IMMP2L: variants seen among roughly 807,000 people sequenced by gnomAD.
IMMP2L encodes mitochondrial inner membrane protease subunit 2.
In IMMP2L, 18 loss-of-function variants were observed where a neutral mutation model predicts 19.3. That is an observed-to-expected ratio of 0.93 (90% CI 0.64 to 1.38). The LOEUF is 1.38. Among genes scored for constraint, IMMP2L ranks in the 40% most tolerant of loss-of-function variants. The pLI is 0.00. For synonymous variants in IMMP2L, 76 were observed against 73.0 expected (o/e 1.04, Z -0.21); for missense variants, 233 against 218.2 (o/e 1.07, Z -0.43).
At chr7:111,089,641 A>T (rs1752694940) in intron 3 of IMMP2L, among the ~76,000 whole-genome samples, 1 of 152,104 alleles carries the variant, frequency 6.6e-6, no homozygotes, top group Non-Finnish European at 1.5e-5. Context: ...TACAGAACTG[A>T]CTCAGTGCTT....
At chr7:110,920,655 A>C (rs1814167940) in intron 4 of IMMP2L, among the ~76,000 whole-genome samples, 2 of 152,172 alleles carry the variant, frequency 1.3e-5, no homozygotes, top group South Asian at 4.1e-4. Flanking sequence ...TGCTTTACCA[A>C]GCTTCTATGT....
chr7:110,664,808 T>C (rs909871695), intron 5 of IMMP2L: 8 of 152,254 alleles, frequency 5.3e-5, no homozygotes, highest in African/African-American at 1.9e-4. Flanking sequence ...TAATACTATA[T>C]GTCCACTTTA....
chr7:110,803,834 T>C lies in IMMP2L; in HGVS notation c.408+82759A>G, dbSNP rs769922617. Among the ~76,000 whole-genome samples, 50 of 152,108 alleles carry C rather than the reference T, an allele frequency of 3.3e-4. No homozygotes were observed. Among genetic ancestry groups the C allele is most frequent in the Middle Eastern group, 3.4e-3 (1 of 294 alleles). On this transcript the variant is annotated intron_variant, in intron 5 of 5. Coordinates refer to ENST00000405709, the MANE Select transcript of IMMP2L (RefSeq NM_032549.4). This position sits in a 1 kb window ranked among gnomAD's most constrained non-coding sequence, Gnocchi z 4.2. ...CCTGGAACCATCAGTATCTCAACAC[T>C]TGGGGACTTGTTAGACATGCAAATT...
intron 4 of IMMP2L, among the ~76,000 whole-genome samples, chr7:110,958,708 A>G (rs1226110967): frequency 6.6e-6 from 1 of 152,044 alleles, no homozygotes; most frequent in East Asian, 1.9e-4. Flanking sequence ...CCCCAAAGGT[A>G]GTAGATCAGC....
At chr7:111,380,813 T>C (rs746972398) in intron 3 of IMMP2L, among the ~76,000 whole-genome samples, 6 of 152,034 alleles carry the variant, frequency 3.9e-5, no homozygotes, top group Non-Finnish European at 8.8e-5. Flanking sequence ...CATCAGACAT[T>C]GTAAAAAGAA....
intron 3 of IMMP2L, among the ~76,000 whole-genome samples, chr7:111,328,689 G>A (rs1335533240): frequency 6.6e-6 from 1 of 151,776 alleles, no homozygotes; most frequent in Non-Finnish European, 1.5e-5. Context: ...ATGCTGAAGG[G>A]CAAGAGAGAG....
chr7:111,362,243 T>C (rs1257128316), intron 3 of IMMP2L, among the ~76,000 whole-genome samples: 3 of 152,088 alleles, frequency 2.0e-5, no homozygotes, highest in Non-Finnish European at 4.4e-5. Flanking sequence ...TAATCGTTTT[T>C]ATTTCTAAAA....
At chr7:111,175,822 T>G (rs1362558332) in intron 3 of IMMP2L, among the ~76,000 whole-genome samples, 1 of 151,636 alleles carries the variant, frequency 6.6e-6, no homozygotes, top group Non-Finnish European at 1.5e-5. Flanking sequence ...AAGAAAACAA[T>G]CAACAAAGTG....
intron 3 of IMMP2L, among the ~76,000 whole-genome samples, chr7:111,376,358 A>T (rs1340904260): frequency 6.6e-6 from 1 of 152,144 alleles, no homozygotes; most frequent in Non-Finnish European, 1.5e-5. Flanking sequence ...ACGAGATACT[A>T]CCTCACATCT....
In IMMP2L at chr7:110,663,151, T is replaced by TTATGTGTA. The variant is rs1791197014; in HGVS notation, c.*443_*450dup. ...ACAAATCACAATGTAATTCCCATCA[T>TTATGTGTA]TATGTGTATAATATGTGTTCCTTCT... On this transcript the variant is annotated 3_prime_UTR_variant, in exon 6 of 6. Transcript: ENST00000405709. 2.9e-5 allele frequency: 5 copies of TTATGTGTA among 170,992 alleles called. No individual in the cohort carries two copies. In the South Asian group the frequency reaches 6.6e-4, roughly 23 times the overall value. 10.6% of individuals were successfully genotyped at this position (170,992 alleles called of 1,614,324 possible). A position where few individuals can be genotyped will look rare whatever the true frequency, so the allele number is the denominator to read the frequency against.
intron 3 of IMMP2L, among the ~76,000 whole-genome samples, chr7:111,080,618 T>C (rs1372712542): frequency 1.3e-5 from 2 of 152,156 alleles, no homozygotes; most frequent in Admixed American, 1.3e-4. Flanking sequence ...TTTTAGCTAA[T>C]TGTCTAAGAC....
rs563712006 is a variant in IMMP2L at position 111,182,857 on chromosome 7, T to C, written c.240-219292A>G. On this transcript the variant is annotated intron_variant, in intron 3 of 5. Transcript: ENST00000405709. ...TAGTTTGGGTTCTCTCAAGTGCTTA[T>C]GTAAATTGAAATTTGGAAGACAGCG... 1.3e-4 allele frequency among the ~76,000 whole-genome samples: 20 copies of C among 152,146 alleles called. 1 individual carries two copies. In the East Asian group the frequency reaches 3.5e-3, roughly 26 times the overall value.
At chr7:111,455,581 A>G (rs968735545) in intron 3 of IMMP2L, among the ~76,000 whole-genome samples, 1 of 148,790 alleles carries the variant, frequency 6.7e-6, no homozygotes, top group African/African-American at 2.5e-5. Context: ...TCATTATATG[A>G]TATAAGTTTA....
intron 3 of IMMP2L, among the ~76,000 whole-genome samples, chr7:111,294,836 T>C (rs1221972225): frequency 6.6e-6 from 1 of 151,998 alleles, no homozygotes; most frequent in East Asian, 1.9e-4. Flanking sequence ...TTTTCATATG[T>C]AATTTTCTCA....
intron 5 of IMMP2L, among the ~76,000 whole-genome samples, chr7:110,764,151 C>T (rs908146909): frequency 6.6e-6 from 1 of 152,046 alleles, no homozygotes; most frequent in South Asian, 2.1e-4. Flanking sequence ...TAACTACCTG[C>T]CAACATTGAA....
intron 5 of IMMP2L, among the ~76,000 whole-genome samples, chr7:110,875,406 T>G (rs1452260394): frequency 6.6e-6 from 1 of 152,138 alleles, no homozygotes; most frequent in Non-Finnish European, 1.5e-5. Flanking sequence ...GTTTTTTTTG[T>G]GACAGAAGAA....
intron 3 of IMMP2L, among the ~76,000 whole-genome samples, chr7:110,974,413 A>G (rs920852932): frequency 1.3e-5 from 2 of 152,164 alleles, no homozygotes; most frequent in Non-Finnish European, 2.9e-5. Flanking sequence ...TTTGATTTAC[A>G]TAACAGTGTT....
intron 3 of IMMP2L, among the ~76,000 whole-genome samples, chr7:111,243,024 T>C (rs1815313945): frequency 6.6e-6 from 1 of 152,118 alleles, no homozygotes; most frequent in Admixed American, 6.6e-5. Context: ...CACAAATCTC[T>C]TTTTGTGCAC....
At chr7:110,786,374 A>AT (rs1450620973) in intron 5 of IMMP2L, among the ~76,000 whole-genome samples, 1 of 152,018 alleles carries the variant, frequency 6.6e-6, no homozygotes, top group Non-Finnish European at 1.5e-5. Context: ...GAGAGTTCAA[A>AT]TAGGATCTGT....
Sources: allele counts gnomAD v4.1 joint callset (sites outside exome capture counted in the v4.1 genomes callset), GRCh38; gene constraint gnomAD v4.1.1; non-coding constraint Gnocchi (gnomAD v3.1); transcripts MANE v1.5; gene names NCBI Gene and HGNC (gene_info 2026-07-23, HGNC 2026-07-21).